Variants in TBC1D12 observed in about 807,000 individuals in gnomAD.
TBC1D12 encodes the protein TBC1 domain family member 12.
In TBC1D12, 56 loss-of-function variants were observed where a neutral mutation model predicts 86.7. That is an observed-to-expected ratio of 0.65 (90% CI 0.52 to 0.81). The LOEUF is 0.81. TBC1D12 is among the 30% of genes least tolerant of loss of function. TBC1D12 has a pLI of 0.00. For synonymous variants in TBC1D12, 421 were observed against 411.7 expected, an observed-to-expected ratio of 1.02 and a Z score of -0.27; for missense variants, 1,023 against 1,038.8, an observed-to-expected ratio of 0.98 and a Z score of 0.21.
intron 2 of TBC1D12, among the ~76,000 whole-genome samples, chr10:94,447,329 T>G (rs553576646): frequency 2.0e-5 from 3 of 151,846 alleles, no homozygotes. Context: ...TGTATATATA[T>G]ACACACACAC....
In TBC1D12 at chr10:94,403,404, T is replaced by G; in HGVS notation, c.791T>G (p.Leu264Arg). The G allele has an allele frequency of 1.3e-6, 2 of 1,548,260 alleles. No individual in the cohort carries two copies. The highest frequency in any genetic ancestry group is 2.5e-5 in the East Asian group (1 of 40,134). ...ACTAATGGGGGTGCGGAGCCGCGCC[T>G]GGGCTTTTCTGACATTCACTTCAAC... ...ERTNGGAEPR[L>R]GFSDIHFNSR... Residue 264 changes from leucine to arginine, a missense_variant, in exon 1 of 13, where the codon CTG (leucine) becomes CGG (arginine). Transcript: ENST00000225235.
At chr10:94,488,531 C>T (rs1282860516) in intron 3 of TBC1D12, among the ~76,000 whole-genome samples, 2 of 149,536 alleles carry the variant, frequency 1.3e-5, no homozygotes, top group Non-Finnish European at 3.0e-5. Flanking sequence ...GCTGGGCTTA[C>T]AGGCACATGC....
intron 2 of TBC1D12, among the ~76,000 whole-genome samples, chr10:94,462,459 A>ACATTGTC (rs2055744891): frequency 6.6e-6 from 1 of 152,160 alleles, no homozygotes; most frequent in East Asian, 1.9e-4. Flanking sequence ...AATGTCTTAG[A>ACATTGTC]CATTGTCAGA....
rs775734710 is a variant in TBC1D12 at position 94,402,995 on chromosome 10, C to G, written c.382C>G (p.Pro128Ala). Residue 128 changes from proline (P) to alanine (A), a missense_variant, in exon 1 of 13, where the codon CCG becomes GCG. Pro to Ala is a conservative substitution (Grantham distance 27). Transcript: ENST00000225235. ...RGAEVADGRA[P>A]RHEGMTNGDS... ...CGCGGAGGTGGCTGATGGCCGCGCG[C>G]CGCGGCACGAAGGCATGACCAACGG... 2.5e-6 allele frequency: 4 copies of G among 1,575,990 alleles called. No individual in the cohort carries two copies. The highest frequency in any genetic ancestry group is 1.7e-6 in the Non-Finnish European group (2 of 1,165,436).
At chr10:94,522,552 T>C (rs1564991188) in intron 11 of TBC1D12, 99 bp downstream of exon 11, 2 of 551,308 alleles carry the variant, frequency 3.6e-6, no homozygotes, top group Non-Finnish European at 6.2e-6. Context: ...TGCAGGATTT[T>C]ACATATAAAG....
At chr10:94,489,069 C>T (rs1256902419) in intron 3 of TBC1D12, among the ~76,000 whole-genome samples, 2 of 149,720 alleles carry the variant, frequency 1.3e-5, no homozygotes, top group African/African-American at 5.1e-5. Context: ...AGCATAGCAT[C>T]AGGACCTGCC....
chr10:94,479,662 C>G (rs577461318), intron 3 of TBC1D12, among the ~76,000 whole-genome samples: 1 of 152,230 alleles, frequency 6.6e-6, no homozygotes, highest in South Asian at 2.1e-4. Flanking sequence ...GTAGGCAATA[C>G]TAGGAATTAT....
intron 1 of TBC1D12, among the ~76,000 whole-genome samples, chr10:94,414,823 C>T (rs1051753160): frequency 6.6e-6 from 1 of 152,164 alleles, no homozygotes; most frequent in Admixed American, 6.5e-5. Flanking sequence ...CGGTCTCGAA[C>T]TCCTGACCTG....
chr10:94,443,150 A>G (rs1025700153), intron 2 of TBC1D12, among the ~76,000 whole-genome samples: 1 of 152,148 alleles, frequency 6.6e-6, no homozygotes, highest in Non-Finnish European at 1.5e-5. Flanking sequence ...GCACTAGAGG[A>G]CTGCATGTTT....
chr10:94,531,334 C>T lies in TBC1D12; in HGVS notation c.2133C>T (p.Leu711=), dbSNP rs1436357451. 6.2e-7 allele frequency: 1 copy of T among 1,614,120 alleles called. No individual in the cohort carries two copies. The highest frequency in any genetic ancestry group is 8.5e-7 in the Non-Finnish European group (1 of 1,180,024). The change falls in exon 12 of 13, where the codon CTC becomes CTT. Residue 711 remains leucine, a synonymous_variant. Coordinates refer to ENST00000225235, the MANE Select transcript of TBC1D12 (RefSeq NM_015188.2). ...LGILRLYEDI[L]LQMDFIHIAQ... is the part of the protein sequence containing the mutation. ...TCCTCCGATTATATGAAGATATTCT[C>T]CTGCAGATGGACTTTATTCATATAG...
intron 1 of TBC1D12, among the ~76,000 whole-genome samples, chr10:94,407,092 G>T (rs2054864007): frequency 6.6e-6 from 1 of 152,140 alleles, no homozygotes; most frequent in Non-Finnish European, 1.5e-5. Context: ...AAGTAAAGAG[G>T]GGGGAGCATT....
chr10:94,505,321 G>A (rs571190607), intron 6 of TBC1D12, among the ~76,000 whole-genome samples: 1 of 152,328 alleles, frequency 6.6e-6, no homozygotes, highest in South Asian at 2.1e-4. Flanking sequence ...GCTTACGCCT[G>A]TAATCCTAGC....
At chr10:94,416,854 G>A (rs1250187850) in intron 1 of TBC1D12, among the ~76,000 whole-genome samples, 1 of 152,016 alleles carries the variant, frequency 6.6e-6, no homozygotes, top group Admixed American at 6.6e-5. Context: ...GTGATGACAG[G>A]ACAAGTAAAA....
chr10:94,521,961 G>A lies in TBC1D12; in HGVS notation c.1768G>A (p.Gly590Arg), dbSNP rs750897053. 6.2e-7 allele frequency: 1 copy of A among 1,602,696 alleles called. No individual in the cohort carries two copies. The highest frequency in any genetic ancestry group is 8.5e-7 in the Non-Finnish European group (1 of 1,172,526). ...AATTTTTCTCCCTTTGAAGGTCCAA[G>A]GGATGTCCTTCATTGCAGCAGTACT... is the stretch of plus-strand genomic sequence containing the variant. ...CYRPDVGYVQGMSFIAAVLIL... is the reference protein window; with the variant it reads ...CYRPDVGYVQRMSFIAAVLIL... Residue 590 changes from glycine (G) to arginine (R), a missense_variant, in exon 10 of 13, where the codon GGG becomes AGG. By Grantham distance (125) the Gly-to-Arg change is moderately radical. Transcript: ENST00000225235.
chr10:94,424,438 C>G (rs770078778), intron 1 of TBC1D12, among the ~76,000 whole-genome samples: 2 of 152,150 alleles, frequency 1.3e-5, no homozygotes, highest in Non-Finnish European at 2.9e-5. Context: ...TTCTTCCTCT[C>G]TCCTGTGTTT....
intron 11 of TBC1D12, among the ~76,000 whole-genome samples, chr10:94,529,215 C>T (rs545146559): frequency 4.6e-5 from 7 of 152,226 alleles, no homozygotes; most frequent in South Asian, 4.1e-4. Context: ...ACTATGTTGC[C>T]CAGGCTGGCC....
intron 4 of TBC1D12, among the ~76,000 whole-genome samples, chr10:94,496,243 A>G (rs2056319739): frequency 6.6e-6 from 1 of 152,158 alleles, no homozygotes; most frequent in Non-Finnish European, 1.5e-5. Context: ...CTAAAATTAC[A>G]TAAAGTTTTG....
chr10:94,486,483 G>A (rs1482736997), intron 3 of TBC1D12, among the ~76,000 whole-genome samples: 8 of 151,020 alleles, frequency 5.3e-5, no homozygotes, highest in Admixed American at 6.6e-5. Context: ...TATCTCGTAG[G>A]TTTTGGTATG....
chr10:94,449,811 TTTC>T lies in TBC1D12; in HGVS notation c.1095+7798_1095+7800del, dbSNP rs1164450291. On this transcript the variant is annotated intron_variant, in intron 2 of 12. Transcript: ENST00000225235. ...AGGAGAAGCTTCTATGCTACTGTTC[TTTC>T]TTCTTGTCAGTCCCCATATTTTATT... Among the ~76,000 whole-genome samples, 4 of 152,340 alleles carry T rather than the reference TTTC, an allele frequency of 2.6e-5. No homozygotes were observed. The East Asian group carries it at 7.7e-4, about 29-fold the overall frequency.
Sources: allele counts gnomAD v4.1 joint callset (sites outside exome capture counted in the v4.1 genomes callset), GRCh38; gene constraint gnomAD v4.1.1; transcripts MANE v1.5; gene names NCBI Gene and HGNC (gene_info 2026-07-23, HGNC 2026-07-21).